ZNF148: variants seen among roughly 807,000 people sequenced by gnomAD.
ZNF148 encodes the protein Beta-Enolase Repressor Factor-1.
ZNF148 carries 7 observed loss-of-function variants against 67.7 expected under a neutral mutation model. The ratio of observed to expected loss-of-function variants is 0.10; its 90% CI spans 0.06 to 0.19. ZNF148 has a LOEUF of 0.19. ZNF148 is among the 10% of genes least tolerant of loss of function. The probability of loss-of-function intolerance (pLI) is 1.00; values close to 1 mark genes in which losing one functional copy is unlikely to be tolerated. For synonymous variants in ZNF148, 333 were observed against 330.7 expected, an observed-to-expected ratio of 1.01 and a Z score of -0.08; for missense variants, 583 against 947.1, an observed-to-expected ratio of 0.62 and a Z score of 5.05.
chr3:125,303,961 T>C (rs1939736259), intron 4 of ZNF148, among the ~76,000 whole-genome samples: 2 of 152,100 alleles, frequency 1.3e-5, no homozygotes, highest in South Asian at 4.1e-4. Flanking sequence ...AGAAATTGGA[T>C]GAGGGATGGA....
chr3:125,334,205 T>G (rs975655661), intron 1 of ZNF148, among the ~76,000 whole-genome samples: 2 of 152,322 alleles, frequency 1.3e-5, no homozygotes, highest in Admixed American at 1.3e-4. Flanking sequence ...ATATACTTAC[T>G]AGCAGGTGGT....
At chr3:125,315,263 C>T (rs1940429415) in intron 3 of ZNF148, among the ~76,000 whole-genome samples, 1 of 152,064 alleles carries the variant, frequency 6.6e-6, no homozygotes, top group African/African-American at 2.4e-5. Context: ...TTTGTAACAT[C>T]AGTCAAAAAC....
rs1935884678 is a variant in ZNF148, at chr3:125,232,287, C to T, written c.*54G>A. On this transcript the variant is annotated 3_prime_UTR_variant, in exon 9 of 9. Coordinates refer to ENST00000360647, the MANE Select transcript of ZNF148 (RefSeq NM_021964.3). The surrounding 1 kb of genome is among the most constrained non-coding windows in gnomAD (Gnocchi z 4.2). Reference sequence around the variant, plus strand: ...ACTCCATTTACACAGAGTAACCCCACTCTTGATTAATCTGTTCTAAAGTGC... The same window carrying T: ...ACTCCATTTACACAGAGTAACCCCATTCTTGATTAATCTGTTCTAAAGTGC... 5.9e-6 allele frequency: 9 copies of T among 1,528,500 alleles called. No individual in the cohort carries two copies. The Admixed American group carries it at 1.2e-4, about 20-fold the overall frequency. The allele number at this position is 1,528,500 out of a possible 1,614,324, so 94.7% of individuals were successfully genotyped here. A position where few individuals can be genotyped will look rare whatever the true frequency, so the allele number is the denominator to read the frequency against.
Position 125,338,599 on chromosome 3 carries a change from G to A in ZNF148, c.-233-7361C>T, listed in dbSNP as rs185515253. ...CGCTTTAGCCTGGGGGGCAAAGGTC[G>A]CAGTGAGCCGACATTGTGCCACTGC... On this transcript the variant is annotated intron_variant, in intron 1 of 8. Transcript: ENST00000360647. 3.4e-4 allele frequency among the ~76,000 whole-genome samples: 46 copies of A among 135,460 alleles called. No individual in the cohort carries two copies. In the East Asian group the frequency reaches 9.4e-3, roughly 28 times the overall value. The allele number at this position is 135,460 out of a possible 152,430, so 88.9% of individuals were successfully genotyped here.
At chr3:125,246,263 C>T (rs1368533600) in intron 7 of ZNF148, among the ~76,000 whole-genome samples, 1 of 152,094 alleles carries the variant, frequency 6.6e-6, no homozygotes, top group Non-Finnish European at 1.5e-5. Flanking sequence ...AATAAACACA[C>T]TTGACAACAC....
chr3:125,256,079 T>TA (rs949884966), intron 7 of ZNF148, among the ~76,000 whole-genome samples: 73 of 148,094 alleles, frequency 4.9e-4, no homozygotes, highest in Non-Finnish European at 6.0e-4. Context: ...GAATTCCATT[T>TA]AAAAAAAAAA....
At chr3:125,282,260 T>C (rs1470915077) in intron 5 of ZNF148, among the ~76,000 whole-genome samples, 4 of 152,188 alleles carry the variant, frequency 2.6e-5, no homozygotes, top group Admixed American at 6.5e-5. Context: ...CTTTTCAAGA[T>C]CTTTTAGTAG....
chr3:125,333,885 C>T (rs1207453740), intron 1 of ZNF148, among the ~76,000 whole-genome samples: 3 of 152,210 alleles, frequency 2.0e-5, no homozygotes, highest in Admixed American at 1.3e-4. Flanking sequence ...TATCCTAAAT[C>T]AAACCACTGT....
intron 4 of ZNF148, among the ~76,000 whole-genome samples, chr3:125,290,766 C>A (rs1339551748): frequency 1.3e-5 from 2 of 151,526 alleles, no homozygotes; most frequent in African/African-American, 4.9e-5. Context: ...GATGCATTAC[C>A]AAAAAAACAC....
chr3:125,293,647 C>A (rs1939135931), intron 4 of ZNF148, among the ~76,000 whole-genome samples: 1 of 152,078 alleles, frequency 6.6e-6, no homozygotes, highest in Non-Finnish European at 1.5e-5. Flanking sequence ...GGAATCTGAG[C>A]AAGAACGTAA....
chr3:125,302,699 T>C (rs9816482), intron 4 of ZNF148, among the ~76,000 whole-genome samples: 3,432 of 152,302 alleles, frequency 0.023, 132 homozygotes, highest in African/African-American at 0.077. Context: ...GAAGTTGTTT[T>C]AGAAGAACAC....
At chr3:125,358,869 A>C (rs557905278) in intron 1 of ZNF148, among the ~76,000 whole-genome samples, 1 of 152,194 alleles carries the variant, frequency 6.6e-6, no homozygotes, top group Non-Finnish European at 1.5e-5. Context: ...AAACTTCTCC[A>C]TGCCACCCTA....
intron 7 of ZNF148, among the ~76,000 whole-genome samples, chr3:125,264,047 G>T (rs190197297): frequency 6.6e-6 from 1 of 152,234 alleles, no homozygotes; most frequent in East Asian, 1.9e-4. Flanking sequence ...CCAAGTGCCA[G>T]GATGGTGGCA....
chr3:125,258,493 G>A (rs1421672638), intron 7 of ZNF148, among the ~76,000 whole-genome samples: 2 of 150,086 alleles, frequency 1.3e-5, no homozygotes, highest in African/African-American at 4.9e-5. Context: ...CAAACTCCTG[G>A]GCTCATGATA....
chr3:125,321,243 T>C (rs1940757347), intron 3 of ZNF148, among the ~76,000 whole-genome samples: 1 of 152,146 alleles, frequency 6.6e-6, no homozygotes, highest in South Asian at 2.1e-4. Context: ...GGAACATCAT[T>C]TATAATAATG....
intron 3 of ZNF148, among the ~76,000 whole-genome samples, chr3:125,315,423 C>T (rs961903883): frequency 1.3e-5 from 2 of 151,670 alleles, no homozygotes; most frequent in African/African-American, 4.8e-5. Flanking sequence ...ATATATAAAA[C>T]ATTGGCCGGG....
At chr3:125,249,616 T>C (rs1030564221) in intron 7 of ZNF148, among the ~76,000 whole-genome samples, 11 of 151,622 alleles carry the variant, frequency 7.3e-5, no homozygotes, top group Non-Finnish European at 1.3e-4. Context: ...TGGAGGTTCC[T>C]AAAAAAACAA....
intron 4 of ZNF148, among the ~76,000 whole-genome samples, chr3:125,296,785 T>A (rs2107641193): frequency 6.6e-6 from 1 of 152,276 alleles, no homozygotes; most frequent in African/African-American, 2.4e-5. Flanking sequence ...CTATATGGCA[T>A]TATACAAATA....
At chr3:125,261,818 T>C (rs1019000522) in intron 7 of ZNF148, among the ~76,000 whole-genome samples, 1 of 117,546 alleles carries the variant, frequency 8.5e-6, no homozygotes, top group African/African-American at 3.5e-5. Context: ...CTGACAGGGG[T>C]TGACAAGTTT....
Sources: gnomAD v4.1 joint callset for allele counts (sites outside exome capture counted in the v4.1 genomes callset) on GRCh38, gnomAD v4.1.1 for gene constraint, Gnocchi (gnomAD v3.1) non-coding constraint, MANE v1.5 for transcripts, NCBI Gene and HGNC (gene_info 2026-07-23, HGNC 2026-07-21) for gene names.